FLACC1: variants seen among roughly 807,000 people sequenced by gnomAD.
The protein encoded by FLACC1 is flagellum-associated coiled-coil domain-containing protein 1.
FLACC1 carries 66 observed loss-of-function variants against 62.8 expected under a neutral mutation model. The ratio of observed to expected loss-of-function variants is 1.05; its 90% CI spans 0.86 to 1.29. The LOEUF is 1.29. Among genes scored for constraint, FLACC1 ranks in the 50% most tolerant of loss-of-function variants. FLACC1 has a pLI of 0.00. For missense variants in FLACC1, 452 were observed against 489.1 expected, an observed-to-expected ratio of 0.92 and a Z score of 0.71; for synonymous variants, 156 against 161.0, an observed-to-expected ratio of 0.97 and a Z score of 0.24.
At position 201,346,993 on chromosome 2, in the gene FLACC1, T is replaced by C. The variant is rs1207184206; in HGVS notation, c.235-318A>G. Among the ~76,000 whole-genome samples the C allele has an allele frequency of 6.6e-6, 1 of 152,086 alleles. No homozygotes were observed. The highest frequency in any genetic ancestry group is 1.5e-5 in the Non-Finnish European group (1 of 68,018). On this transcript the variant is annotated intron_variant, in intron 4 of 14. Transcript: ENST00000392257. This position sits in a 1 kb window ranked among gnomAD's most constrained non-coding sequence, Gnocchi z 4.0. The stretch of plus-strand genomic sequence containing the variant: ...GGTGGGCATGCGGCAACTGCTCGGG[T>C]TTTGGAATCACAGAGGCCTGAGTAA...
At chr2:201,317,769 C>A (rs532104347) in intron 9 of FLACC1, among the ~76,000 whole-genome samples, 3 of 151,936 alleles carry the variant, frequency 2.0e-5, no homozygotes, top group Non-Finnish European at 2.9e-5. Flanking sequence ...CAAAACAAAG[C>A]AAAACAAGCA....
intron 7 of FLACC1, among the ~76,000 whole-genome samples, chr2:201,333,961 A>G (rs1008285596): frequency 6.6e-6 from 1 of 152,176 alleles, no homozygotes; most frequent in Non-Finnish European, 1.5e-5. Context: ...CTAGTTCTAG[A>G]TCCCTGAGGA....
intron 11 of FLACC1, 57 bp downstream of exon 11, chr2:201,307,461 CT>C (rs1950128595): frequency 1.5e-6 from 2 of 1,315,922 alleles, no homozygotes; most frequent in Admixed American, 1.7e-5. Flanking sequence ...CACCTGGGGA[CT>C]TGGGTGTACC....
At chr2:201,311,473 GCAC>G (rs1950216074) in intron 9 of FLACC1, among the ~76,000 whole-genome samples, 1 of 152,064 alleles carries the variant, frequency 6.6e-6, no homozygotes, top group Admixed American at 6.6e-5. Context: ...TGTTATCCCA[GCAC>G]TATGGGAGGT....
chr2:201,339,793 G>A (rs1193802295), intron 7 of FLACC1, among the ~76,000 whole-genome samples: 2 of 152,166 alleles, frequency 1.3e-5, no homozygotes, highest in African/African-American at 4.8e-5. Context: ...GGTGGCATAT[G>A]CTGGCATTAA....
rs1261317071 is a variant in FLACC1, at chr2:201,319,408, C to T, written c.676-10158G>A. 3.3e-5 allele frequency among the ~76,000 whole-genome samples: 5 copies of T among 149,948 alleles called. No homozygotes were observed. The East Asian group carries it at 7.7e-4, about 23-fold the overall frequency. On this transcript the variant is annotated intron_variant, in intron 9 of 14. Transcript: ENST00000392257. ...CATAAGAACTCAAACTCTAAGAATC[C>T]TAGAAGAAAACCTAGGAAACACCAT...
intron 1 of FLACC1, chr2:201,352,196 G>C (rs936621256): frequency 1.2e-4 from 19 of 152,176 alleles, no homozygotes; most frequent in African/African-American, 4.1e-4. Context: ...CTGAAGGGAA[G>C]AGAAATTCCC....
intron 7 of FLACC1, among the ~76,000 whole-genome samples, chr2:201,338,783 T>C (rs905177868): frequency 6.6e-6 from 1 of 152,164 alleles, no homozygotes; most frequent in Non-Finnish European, 1.5e-5. Flanking sequence ...TGTATTATAT[T>C]TTTGATGTAT....
intron 6 of FLACC1, 108 bp downstream of exon 6, chr2:201,344,062 A>G (rs1206160611): frequency 1.1e-6 from 1 of 887,632 alleles, no homozygotes; most frequent in Non-Finnish European, 1.8e-6. Flanking sequence ...CCTGGACAAC[A>G]TGGCTCATAT....
intron 12 of FLACC1, among the ~76,000 whole-genome samples, chr2:201,297,293 G>A (rs946090251): frequency 2.0e-5 from 3 of 152,140 alleles, no homozygotes; most frequent in African/African-American, 4.8e-5. Flanking sequence ...TCAGTACAGA[G>A]ATGGCTTTTA....
At chr2:201,296,226 G>A (rs896019402) in intron 12 of FLACC1, among the ~76,000 whole-genome samples, 14 of 151,930 alleles carry the variant, frequency 9.2e-5, no homozygotes, top group Non-Finnish European at 1.3e-4. Context: ...TGTTTATTGC[G>A]GCACTACTCA....
chr2:201,318,652 G>A (rs1410307737), intron 9 of FLACC1, among the ~76,000 whole-genome samples: 2 of 152,158 alleles, frequency 1.3e-5, no homozygotes, highest in African/African-American at 4.8e-5. Context: ...TGGTGGGAAT[G>A]TAAACTAGTA....
At chr2:201,345,859 T>C (rs1397849162) in intron 5 of FLACC1, among the ~76,000 whole-genome samples, 1 of 152,090 alleles carries the variant, frequency 6.6e-6, no homozygotes, top group African/African-American at 2.4e-5. Context: ...AGCTGAGTAG[T>C]ATTTTTGGAC....
rs375849498 is a variant in FLACC1, at chr2:201,300,524, A to C, written c.880-1224T>G. Among the ~76,000 whole-genome samples the C allele has an allele frequency of 3.3e-3, 502 of 152,328 alleles. 2 individuals are homozygous for C. The highest frequency in any genetic ancestry group is 0.012 in the African/African-American group (484 of 41,572). ...AGGGCATAGCTCAACAAAAGGCAGC[A>C]GAAACTTCTGCAGACTTAAACATCC... On this transcript the variant is annotated intron_variant, in intron 11 of 14. Transcript: ENST00000392257.
intron 11 of FLACC1, among the ~76,000 whole-genome samples, chr2:201,306,828 T>A (rs1950116693): frequency 6.6e-6 from 1 of 152,026 alleles, no homozygotes; most frequent in African/African-American, 2.4e-5. Context: ...CTCCTACATA[T>A]CAAAAATAAA....
rs766488965 is a variant in FLACC1 at position 201,288,680 on chromosome 2, C to T, written c.1244G>A (p.Gly415Asp). Residue 415 changes from glycine to aspartate, a missense_variant, in exon 15 of 15, where the codon GGT becomes GAT. Gly to Asp is a moderately conservative substitution (Grantham distance 94). Coordinates refer to ENST00000392257, the MANE Select transcript of FLACC1 (RefSeq NM_001127391.3). ...SKDDSDTVQD[G>D]SKKGQES ...TTATGATTCTTGTCCTTTCTTGCTA[C>T]CATCTTGCACAGTGTCAGAATCATC... The T allele has an allele frequency of 4.3e-5, 69 of 1,613,420 alleles. No homozygotes were observed. In the South Asian group the frequency reaches 7.6e-4, roughly 18 times the overall value.
At chr2:201,333,557 C>T (rs891723472) in intron 7 of FLACC1, among the ~76,000 whole-genome samples, 1 of 114,220 alleles carries the variant, frequency 8.8e-6, no homozygotes, top group African/African-American at 3.3e-5. Flanking sequence ...CTCCCCCCTC[C>T]CCCCACCCCA....
upstream of FLACC1, among the ~76,000 whole-genome samples, chr2:201,360,598 T>C (rs1207981843): frequency 1.3e-5 from 2 of 152,214 alleles, no homozygotes; most frequent in Non-Finnish European, 2.9e-5. Context: ...CATCTGACTT[T>C]AGAGTGGTGC....
the FLACC1 span, among the ~76,000 whole-genome samples, chr2:201,363,313 A>T: frequency 1.4e-5 from 2 of 146,716 alleles, no homozygotes; most frequent in Non-Finnish European, 3.0e-5. Flanking sequence ...CTCCACTCCA[A>T]CTCTAGGCAG....
Sources: allele counts gnomAD v4.1 joint callset (sites outside exome capture counted in the v4.1 genomes callset), GRCh38; gene constraint gnomAD v4.1.1; non-coding constraint Gnocchi (gnomAD v3.1); transcripts MANE v1.5; gene names NCBI Gene and HGNC (gene_info 2026-07-23, HGNC 2026-07-21).